The following GPR137B variants were observed in gnomAD, a reference collection of about 807,000 sequenced individuals.
The protein encoded by GPR137B is G protein-coupled receptor 137B.
In GPR137B, 42 loss-of-function variants were observed where a neutral mutation model predicts 42.5. That is an observed-to-expected ratio of 0.99 (90% CI 0.77 to 1.28). The LOEUF (loss-of-function observed/expected upper bound fraction) is 1.28, where lower values mean the gene tolerates loss of function less well. GPR137B is among the 50% of genes most tolerant of loss of function. The probability of loss-of-function intolerance (pLI) is 0.00; values close to 1 mark genes in which losing one functional copy is unlikely to be tolerated. For missense variants in GPR137B, 487 were observed against 493.9 expected, an observed-to-expected ratio of 0.99 and a Z score of 0.13; for synonymous variants, 218 against 209.7, an observed-to-expected ratio of 1.04 and a Z score of -0.34.
At position 236,207,993 on chromosome 1, in the gene GPR137B, T is replaced by TATGTC. The variant is rs976478695; in HGVS notation, c.1092-54_1092-50dup. On this transcript the variant is annotated intron_variant, in intron 6 of 6. Coordinates refer to ENST00000366592, the MANE Select transcript of GPR137B (RefSeq NM_003272.4). ...TCAGCTCTGTCTACCTAAACTAGAC[T>TATGTC]ATGTCATACATACTATATAATGTTT... is the stretch of plus-strand genomic sequence containing the variant. 9.5e-6 allele frequency: 12 copies of TATGTC among 1,258,478 alleles called. No individual in the cohort carries two copies. In the African/African-American group the frequency reaches 1.3e-4, roughly 14 times the overall value. 78.0% of individuals were successfully genotyped at this position (1,258,478 alleles called of 1,614,324 possible). A position where few individuals can be genotyped will look rare whatever the true frequency, so the allele number is the denominator to read the frequency against.
chr1:236,190,660 C>A (rs947642684), intron 5 of GPR137B, among the ~76,000 whole-genome samples: 1 of 139,370 alleles, frequency 7.2e-6, no homozygotes, highest in Non-Finnish European at 1.6e-5. Context: ...AATATTGGCC[C>A]CCACTCTCTT....
At chr1:236,164,885 CAA>C (rs1491421565) in intron 1 of GPR137B, among the ~76,000 whole-genome samples, 93 of 123,586 alleles carry the variant, frequency 7.5e-4, no homozygotes, top group Admixed American at 3.5e-3. Context: ...CAGATGAATT[CAA>C]GAGAGAGAGA....
intron 1 of GPR137B, among the ~76,000 whole-genome samples, chr1:236,153,024 C>T (rs1661913952): frequency 6.6e-6 from 1 of 150,658 alleles, no homozygotes; most frequent in African/African-American, 2.5e-5. Flanking sequence ...CCACTGCACT[C>T]CAGGCTGGGA....
chr1:236,166,517 TTATATATATTTATATATATACAG>T (rs1558483823), intron 1 of GPR137B, among the ~76,000 whole-genome samples: 1 of 132,720 alleles, frequency 7.5e-6, no homozygotes, highest in Non-Finnish European at 1.5e-5. Context: ...TATATATACA[TTATATATATTTATATATATACAG>T]GTGTAAATCC....
intron 1 of GPR137B, among the ~76,000 whole-genome samples, chr1:236,153,569 G>A (rs1185842722): frequency 6.6e-6 from 1 of 152,194 alleles, no homozygotes; most frequent in Non-Finnish European, 1.5e-5. Flanking sequence ...TTGAGTGCTT[G>A]TTGTGTGCCA....
intron 2 of GPR137B, among the ~76,000 whole-genome samples, chr1:236,169,272 C>G (rs1043138352): frequency 6.6e-6 from 1 of 151,364 alleles, no homozygotes; most frequent in African/African-American, 2.5e-5. Context: ...CAGGGCCTCG[C>G]CCCTGCAGCC....
At chr1:236,187,868 AAGTC>A (rs1372587981) in intron 5 of GPR137B, among the ~76,000 whole-genome samples, 4 of 152,272 alleles carry the variant, frequency 2.6e-5, no homozygotes, top group African/African-American at 4.8e-5. Context: ...TCTGTGAAGA[AAGTC>A]AGTGGTAGCT....
chr1:236,172,900 C>G (rs889121311), intron 2 of GPR137B, among the ~76,000 whole-genome samples: 9 of 151,638 alleles, frequency 5.9e-5, no homozygotes, highest in Admixed American at 5.2e-4. Flanking sequence ...CTATGTTGCC[C>G]AGGCTGGTCT....
chr1:236,152,631 GT>G (rs930113655), intron 1 of GPR137B, among the ~76,000 whole-genome samples: 1 of 152,066 alleles, frequency 6.6e-6, no homozygotes, highest in African/African-American at 2.4e-5. Flanking sequence ...GTGGGCGCCT[GT>G]AATCCCAGCC....
intron 2 of GPR137B, among the ~76,000 whole-genome samples, chr1:236,176,282 C>T (rs1010310325): frequency 2.0e-5 from 3 of 152,086 alleles, no homozygotes; most frequent in African/African-American, 2.4e-5. Context: ...CACATGAGGT[C>T]GAATCCCTAA....
intron 5 of GPR137B, among the ~76,000 whole-genome samples, chr1:236,204,440 AT>A (rs979953807): frequency 6.6e-6 from 1 of 151,580 alleles, no homozygotes. Flanking sequence ...CTCTTCCTCT[AT>A]TTTTTTTGGA....
intron 5 of GPR137B, among the ~76,000 whole-genome samples, chr1:236,202,713 C>A (rs542892900): frequency 3.3e-5 from 5 of 150,840 alleles, no homozygotes; most frequent in South Asian, 4.1e-4. Flanking sequence ...GAAACAAATT[C>A]TCTGCTCTTT....
chr1:236,160,826 G>T (rs1162246799), intron 1 of GPR137B, among the ~76,000 whole-genome samples: 2 of 151,902 alleles, frequency 1.3e-5, no homozygotes, highest in Non-Finnish European at 2.9e-5. Flanking sequence ...CCTGCCCGGG[G>T]CCTCTCTCCC....
At chr1:236,205,820 G>A (rs1271535905) in intron 6 of GPR137B, among the ~76,000 whole-genome samples, 3 of 152,128 alleles carry the variant, frequency 2.0e-5, no homozygotes, top group Non-Finnish European at 2.9e-5. Context: ...GATTACAGGC[G>A]TGAGCCACTG....
At chr1:236,145,757 G>T (rs1661665233) in intron 1 of GPR137B, among the ~76,000 whole-genome samples, 1 of 152,236 alleles carries the variant, frequency 6.6e-6, no homozygotes, top group African/African-American at 2.4e-5. Context: ...GGAAACTGAG[G>T]CTGAGAGGTC....
At chr1:236,165,585 C>T (rs1662326104) in intron 1 of GPR137B, among the ~76,000 whole-genome samples, 1 of 152,096 alleles carries the variant, frequency 6.6e-6, no homozygotes, top group Admixed American at 6.6e-5. Context: ...TTGTTGTTAT[C>T]GTTACTCTTA....
rs978038380 is a variant in GPR137B, at chr1:236,155,212, C to T, written c.414+12176C>T. 2.0e-5 allele frequency among the ~76,000 whole-genome samples: 3 copies of T among 152,330 alleles called. No individual in the cohort carries two copies. The highest frequency in any genetic ancestry group is 2.4e-5 in the African/African-American group (1 of 41,574). Reference sequence around the variant, plus strand: ...AGCGGCCGGGCCGCAGCTATTCCTGCGGGGCTTCCAGGGCGGAGGACACGG... The same window carrying T: ...AGCGGCCGGGCCGCAGCTATTCCTGTGGGGCTTCCAGGGCGGAGGACACGG... On this transcript the variant is annotated intron_variant, in intron 1 of 6. Coordinates refer to ENST00000366592, the MANE Select transcript of GPR137B (RefSeq NM_003272.4). This position sits in a 1 kb window ranked among gnomAD's most constrained non-coding sequence, Gnocchi z 4.6.
Position 236,172,939 on chromosome 1 carries a change from G to A in GPR137B, c.464+4184G>A, listed in dbSNP as rs1445163316. Among the ~76,000 whole-genome samples the A allele has an allele frequency of 4.0e-5, 6 of 151,290 alleles. No homozygotes were observed. The East Asian group carries it at 9.9e-4, about 25-fold the overall frequency. ...ATTCCTGGACTCAAGCGACTCTCCC[G>A]CCTCAGCCTCCCAGAGTGCTGGGAT... is the stretch of plus-strand genomic sequence containing the variant. On this transcript the variant is annotated intron_variant, in intron 2 of 6. Transcript: ENST00000366592.
intron 2 of GPR137B, 110 bp downstream of exon 2, chr1:236,168,865 A>G (rs1240402813): frequency 1.3e-5 from 11 of 828,396 alleles, no homozygotes; most frequent in Admixed American, 3.6e-5. Flanking sequence ...AGCCGCCGGA[A>G]ACAGTCCTGC....
Sources: gnomAD v4.1 joint callset for allele counts (sites outside exome capture counted in the v4.1 genomes callset) on GRCh38, gnomAD v4.1.1 for gene constraint, Gnocchi (gnomAD v3.1) non-coding constraint, MANE v1.5 for transcripts, NCBI Gene and HGNC (gene_info 2026-07-23, HGNC 2026-07-21) for gene names.